FCHSD2: variants seen among roughly 807,000 people sequenced by gnomAD.
The protein encoded by FCHSD2 is FCH and double SH3 domains 2, also known as F-BAR and double SH3 domains protein 2.
Under a neutral mutation model 108.1 loss-of-function variants are expected in FCHSD2, and 38 were observed. The observed-to-expected ratio is 0.35, with a 90% CI of 0.27 to 0.46. FCHSD2 has a LOEUF of 0.46. Ranked by LOEUF, FCHSD2 falls within the 20% of genes least tolerant of loss-of-function variation. FCHSD2 has a pLI of 1.00. For missense variants in FCHSD2, 751 were observed against 897.8 expected, an observed-to-expected ratio of 0.84 and a Z score of 2.09; for synonymous variants, 279 against 314.7, an observed-to-expected ratio of 0.89 and a Z score of 1.20.
At chr11:72,851,048 A>G (rs1861274305) in intron 13 of FCHSD2, among the ~76,000 whole-genome samples, 1 of 149,732 alleles carries the variant, frequency 6.7e-6, no homozygotes, top group Non-Finnish European at 1.5e-5. Context: ...AAGTGAGCCA[A>G]GAAAGATTGC....
At chr11:72,950,483 C>G (rs1205017347) in intron 8 of FCHSD2, among the ~76,000 whole-genome samples, 1 of 151,166 alleles carries the variant, frequency 6.6e-6, no homozygotes, top group Admixed American at 6.6e-5. Flanking sequence ...GTCTTTGATT[C>G]ATTTTGAATT....
At chr11:72,983,954 CA>C in intron 8 of FCHSD2, 133 bp downstream of exon 8, 1 of 741,250 alleles carries the variant, frequency 1.3e-6, no homozygotes, top group Non-Finnish European at 2.4e-6. Context: ...CAAACAATAA[CA>C]AGTATATTCC....
In FCHSD2 at chr11:72,912,224, A is replaced by G. The variant is rs192556299; in HGVS notation, c.829-9586T>C. Among the ~76,000 whole-genome samples, 384 of 152,270 alleles carry G rather than the reference A, an allele frequency of 2.5e-3. 1 individual carries two copies. Among genetic ancestry groups the G allele is most frequent in the African/African-American group, 8.9e-3 (369 of 41,530 alleles). On this transcript the variant is annotated intron_variant, in intron 9 of 19. Coordinates refer to ENST00000409418, the MANE Select transcript of FCHSD2 (RefSeq NM_014824.3). ...AGTGGGCATCCTTGTCATGTTCCAA[A>G]TCTTAGAGGAAACGCATTCAGTTTT...
chr11:72,841,507 G>A lies in FCHSD2; in HGVS notation c.2003C>T (p.Pro668Leu), dbSNP rs772588181. The change falls in exon 18 of 20, where the codon CCC becomes CTC. Residue 668 changes from proline (P) to leucine (L), a missense_variant. Pro to Leu is a moderately conservative substitution (Grantham distance 98, BLOSUM62 -3). Coordinates refer to ENST00000409418, the MANE Select transcript of FCHSD2 (RefSeq NM_014824.3). ...LYDQPPSSPY[P>L]SPDKRSSLYF... is the part of the protein sequence containing the mutation. ...CAGGGAGCTCCTCTTATCTGGGCTG[G>A]GGTAGGGGCTGCTGGGAGGCTGGTC... 1.3e-5 allele frequency: 21 copies of A among 1,611,376 alleles called. No individual in the cohort carries two copies. The East Asian group carries it at 2.5e-4, about 19-fold the overall frequency.
At chr11:72,999,835 C>A (rs984637602) in intron 5 of FCHSD2, among the ~76,000 whole-genome samples, 1 of 149,824 alleles carries the variant, frequency 6.7e-6, no homozygotes, top group Admixed American at 6.7e-5. Flanking sequence ...AATTCTCTGC[C>A]CCTACCTTAC....
chr11:73,047,421 G>A (rs1380477050), intron 3 of FCHSD2, among the ~76,000 whole-genome samples: 1 of 151,786 alleles, frequency 6.6e-6, no homozygotes, highest in Non-Finnish European at 1.5e-5. Flanking sequence ...TTTGTACTTG[G>A]GATTATATTT....
chr11:73,058,011 C>G (rs1303366766), intron 3 of FCHSD2, among the ~76,000 whole-genome samples: 1 of 152,032 alleles, frequency 6.6e-6, no homozygotes, highest in Non-Finnish European at 1.5e-5. Context: ...TCCCGAGTAG[C>G]TGGGACTACA....
chr11:72,910,055 C>T (rs1345249429), intron 9 of FCHSD2, among the ~76,000 whole-genome samples: 23 of 143,784 alleles, frequency 1.6e-4, no homozygotes, highest in Admixed American at 1.0e-3. Context: ...AAGTGAGGAG[C>T]ACCTCTGCCC....
chr11:73,054,502 T>C (rs1858976174), intron 3 of FCHSD2, among the ~76,000 whole-genome samples: 2 of 152,120 alleles, frequency 1.3e-5, no homozygotes, highest in Non-Finnish European at 2.9e-5. Context: ...TATTTTGGAT[T>C]TAAAAAGAAT....
At chr11:72,932,512 A>G (rs947462802) in intron 8 of FCHSD2, among the ~76,000 whole-genome samples, 17 of 152,166 alleles carry the variant, frequency 1.1e-4, no homozygotes, top group Admixed American at 2.6e-4. Flanking sequence ...CTTCTCTACA[A>G]TGCAGTTTTT....
At chr11:73,119,284 C>G (rs1019880388) in intron 2 of FCHSD2, among the ~76,000 whole-genome samples, 2 of 148,606 alleles carry the variant, frequency 1.3e-5, no homozygotes, top group Middle Eastern at 3.4e-3. Context: ...GCCTGCACAA[C>G]AGAGCGAGAC....
At position 73,039,065 on chromosome 11, in the gene FCHSD2, A is replaced by G. The variant is rs1243111457; in HGVS notation, c.166-23180T>C. Among the ~76,000 whole-genome samples the G allele has an allele frequency of 3.5e-4, 53 of 152,190 alleles. 2 individuals carry two copies. Among genetic ancestry groups the G allele is most frequent in the Admixed American group, 3.5e-3 (53 of 15,274 alleles). On this transcript the variant is annotated intron_variant, in intron 3 of 19. Coordinates refer to ENST00000409418, the MANE Select transcript of FCHSD2 (RefSeq NM_014824.3). ...TTCTAATATTACTTAAGTCTCCATA[A>G]TAATTGCAGAATCACTGTTTATTTT...
rs185227205 is a variant in FCHSD2 at position 72,868,329 on chromosome 11, A to C, written c.1147-303T>G. Reference sequence around the variant, plus strand: ...CATACGGACACATGAGTGGGGGAGAACAACACACACTGGGGCCTGTCAGAG... The same window carrying C: ...CATACGGACACATGAGTGGGGGAGACCAACACACACTGGGGCCTGTCAGAG... On this transcript the variant is annotated intron_variant, in intron 12 of 19. Coordinates refer to ENST00000409418, the MANE Select transcript of FCHSD2 (RefSeq NM_014824.3). Among the ~76,000 whole-genome samples the C allele has an allele frequency of 2.0e-5, 3 of 152,250 alleles. No individual in the cohort carries two copies. The East Asian group carries it at 5.8e-4, about 29-fold the overall frequency.
intron 8 of FCHSD2, among the ~76,000 whole-genome samples, chr11:72,934,503 G>A (rs1856261835): frequency 6.6e-6 from 1 of 151,832 alleles, no homozygotes; most frequent in African/African-American, 2.4e-5. Context: ...GGTAATTTTT[G>A]TATTTATTAA....
Position 72,939,649 on chromosome 11 carries a change from C to T in FCHSD2, c.706-17699G>A, listed in dbSNP as rs142702801. On this transcript the variant is annotated intron_variant, in intron 8 of 19. Transcript: ENST00000409418. ...TTTTTTTTTTTTTGAGACAGTGTCTCGCCCTGTCGCCCAGGCTGGAGTGCA... is the reference window on the plus strand; with the variant it reads ...TTTTTTTTTTTTTGAGACAGTGTCTTGCCCTGTCGCCCAGGCTGGAGTGCA... Among the ~76,000 whole-genome samples the T allele has an allele frequency of 7.0e-4, 84 of 119,332 alleles. 3 individuals are homozygous for T. The East Asian group carries it at 0.019, about 27-fold the overall frequency. 78.3% of individuals were successfully genotyped at this position (119,332 alleles called of 152,430 possible).
chr11:72,840,464 A>C (rs1210649286), intron 19 of FCHSD2, among the ~76,000 whole-genome samples: 1 of 152,154 alleles, frequency 6.6e-6, no homozygotes, highest in Non-Finnish European at 1.5e-5. Flanking sequence ...TAATATATTC[A>C]CCCGGAGAAT....
chr11:72,902,902 T>C (rs1315660484), intron 9 of FCHSD2, among the ~76,000 whole-genome samples: 4 of 152,188 alleles, frequency 2.6e-5, no homozygotes, highest in Non-Finnish European at 4.4e-5. Flanking sequence ...ATATAATACC[T>C]TAAGAAAGCA....
At chr11:73,058,037 G>A (rs544872267) in intron 3 of FCHSD2, among the ~76,000 whole-genome samples, 157 of 152,132 alleles carry the variant, frequency 1.0e-3, no homozygotes, top group Non-Finnish European at 1.9e-3. Flanking sequence ...CCACGACCAC[G>A]CCTGGCTAAT....
intron 8 of FCHSD2, among the ~76,000 whole-genome samples, chr11:72,948,173 A>G (rs1232715983): frequency 1.3e-5 from 2 of 152,044 alleles, no homozygotes; most frequent in African/African-American, 4.8e-5. Flanking sequence ...AGACCTGGCA[A>G]ATTTTTGTAT....
Sources: gnomAD v4.1 joint callset for allele counts (sites outside exome capture counted in the v4.1 genomes callset) on GRCh38, gnomAD v4.1.1 for gene constraint, MANE v1.5 for transcripts, NCBI Gene and HGNC (gene_info 2026-07-23, HGNC 2026-07-21) for gene names.